ENTREP1: variants seen among roughly 807,000 people sequenced by gnomAD.
ENTREP1 encodes endosomal transmembrane epsin interactor 1.
the ENTREP1 span, chr9:69,386,617 C>T: frequency 6.6e-6 from 1 of 152,156 alleles, no homozygotes; most frequent in Admixed American, 6.5e-5. Context: ...GTAACTCCAC[C>T]AGCACCAGCT....
chr9:69,325,386 C>T, the ENTREP1 span: 5 of 1,128,996 alleles, frequency 4.4e-6, no homozygotes, highest in South Asian at 1.3e-4. Context: ...GCCGGGGGCC[C>T]GGGCGCCGCT....
chr9:69,376,541 T>G, the ENTREP1 span, among the ~76,000 whole-genome samples: 63 of 152,320 alleles, frequency 4.1e-4, no homozygotes, highest in Middle Eastern at 3.4e-3. Context: ...TGGTGAACCC[T>G]GAGGTATGGC....
chr9:69,359,598 A>G, the ENTREP1 span, among the ~76,000 whole-genome samples: 1 of 152,162 alleles, frequency 6.6e-6, no homozygotes, highest in East Asian at 1.9e-4. Context: ...CCGTGATTGT[A>G]TGTCTCTCCA....
chr9:69,355,486 C>T, the ENTREP1 span, among the ~76,000 whole-genome samples: 3 of 152,182 alleles, frequency 2.0e-5, no homozygotes, highest in Non-Finnish European at 4.4e-5. Flanking sequence ...GGCAATATCC[C>T]TGTCTACAAA....
chr9:69,342,025 G>A, the ENTREP1 span, among the ~76,000 whole-genome samples: 1 of 151,980 alleles, frequency 6.6e-6, no homozygotes, highest in African/African-American at 2.4e-5. Context: ...TAGTTACCTC[G>A]ATGGTGTTTT....
At chr9:69,353,910 G>A in the ENTREP1 span, among the ~76,000 whole-genome samples, 4 of 151,968 alleles carry the variant, frequency 2.6e-5, no homozygotes, top group Admixed American at 6.6e-5. Context: ...AATATACCCC[G>A]AAGTTGAGAG....
the ENTREP1 span, chr9:69,386,959 C>T: frequency 6.6e-6 from 1 of 152,300 alleles, no homozygotes; most frequent in Non-Finnish European, 1.5e-5. Flanking sequence ...TCTCCTACAC[C>T]CTACCTGGCA....
At chr9:69,347,573 T>A in the ENTREP1 span, among the ~76,000 whole-genome samples, 6 of 152,236 alleles carry the variant, frequency 3.9e-5, no homozygotes, top group African/African-American at 1.4e-4. Context: ...TACATTCAAA[T>A]GAAGTTCCAA....
At chr9:69,385,256 C>T in the ENTREP1 span, among the ~76,000 whole-genome samples, 2 of 152,206 alleles carry the variant, frequency 1.3e-5, no homozygotes, top group African/African-American at 4.8e-5. Flanking sequence ...TCTCGAATTA[C>T]AACTCAGGCT....
the ENTREP1 span, among the ~76,000 whole-genome samples, chr9:69,374,007 T>C: frequency 6.6e-6 from 1 of 152,208 alleles, no homozygotes; most frequent in Admixed American, 6.5e-5. Context: ...TTAGTGTCTC[T>C]TTTCAGGCAG....
chr9:69,375,699 T>C, the ENTREP1 span: 3 of 1,551,716 alleles, frequency 1.9e-6, no homozygotes, highest in Non-Finnish European at 2.7e-6. Context: ...TTTTTCTTAA[T>C]AATTAAAGTA....
At chr9:69,334,798 A>G in the ENTREP1 span, among the ~76,000 whole-genome samples, 1 of 132,626 alleles carries the variant, frequency 7.5e-6, no homozygotes, top group South Asian at 2.4e-4. Flanking sequence ...TTTTTTTGAG[A>G]CAGAGTCTCA....
At chr9:69,367,091 A>ATT in the ENTREP1 span, among the ~76,000 whole-genome samples, 14 of 105,746 alleles carry the variant, frequency 1.3e-4, no homozygotes, top group East Asian at 5.1e-4. Flanking sequence ...TAATTAAACA[A>ATT]TTTTTTTTTT....
the ENTREP1 span, chr9:69,387,742 C>T: frequency 1.7e-5 from 7 of 413,500 alleles, no homozygotes; most frequent in South Asian, 1.5e-4. Context: ...TCTCTTCAGC[C>T]CCTTCCTCTC....
chr9:69,351,250 T>A, the ENTREP1 span, among the ~76,000 whole-genome samples: 1 of 152,336 alleles, frequency 6.6e-6, no homozygotes, highest in Non-Finnish European at 1.5e-5. Flanking sequence ...TTTCAGATAA[T>A]TTTTCTGAGT....
At chr9:69,376,966 G>A in the ENTREP1 span, among the ~76,000 whole-genome samples, 1 of 152,216 alleles carries the variant, frequency 6.6e-6, no homozygotes, top group Non-Finnish European at 1.5e-5. Context: ...GCAGTGTGCT[G>A]TGCTGGTGGG....
chr9:69,361,191 T>G, the ENTREP1 span, among the ~76,000 whole-genome samples: 1 of 152,314 alleles, frequency 6.6e-6, no homozygotes, highest in Non-Finnish European at 1.5e-5. Flanking sequence ...TGCTGAATTT[T>G]TATACATGTA....
At chr9:69,385,950 G>T in the ENTREP1 span, 1 of 1,596,280 alleles carries the variant, frequency 6.3e-7, no homozygotes, top group Non-Finnish European at 8.5e-7. Context: ...GGAGAGAGGT[G>T]ATGTCATTCC....
At chr9:69,337,223 C>T in the ENTREP1 span, among the ~76,000 whole-genome samples, 39 of 151,728 alleles carry the variant, frequency 2.6e-4, no homozygotes, top group African/African-American at 9.2e-4. Context: ...CCATGTTGGC[C>T]AGGCTAGTCC....
Sources: allele counts gnomAD v4.1 joint callset (sites outside exome capture counted in the v4.1 genomes callset), GRCh38; gene constraint gnomAD v4.1.1; transcripts MANE v1.5; gene names NCBI Gene and HGNC (gene_info 2026-07-23, HGNC 2026-07-21).